The following STK3 variants were observed in gnomAD, a reference collection of about 807,000 sequenced individuals.
The protein encoded by STK3 is serine/threonine-protein kinase 3.
In STK3, 41 loss-of-function variants were observed where a neutral mutation model predicts 58.0. That is an observed-to-expected ratio of 0.71 (90% CI 0.55 to 0.92). The LOEUF is 0.92. STK3 is among the 40% of genes least tolerant of loss of function. The probability of loss-of-function intolerance (pLI) is 0.00; values close to 1 mark genes in which losing one functional copy is unlikely to be tolerated. For synonymous variants in STK3, 170 were observed against 191.0 expected, an observed-to-expected ratio of 0.89 and a Z score of 0.91; for missense variants, 479 against 602.7, an observed-to-expected ratio of 0.79 and a Z score of 2.15.
chr8:98,806,523 G>T (rs1833895600), intron 1 of STK3, among the ~76,000 whole-genome samples: 1 of 152,064 alleles, frequency 6.6e-6, no homozygotes, highest in Non-Finnish European at 1.5e-5. Flanking sequence ...AAGTATACAT[G>T]CTAACTGAAC....
intron 3 of STK3, among the ~76,000 whole-genome samples, chr8:98,858,347 G>GAC (rs1564065941): frequency 2.4e-4 from 32 of 135,852 alleles, no homozygotes; most frequent in African/African-American, 7.6e-4. Flanking sequence ...GAGAGAGAGA[G>GAC]AGAGAGAGAG....
intron 6 of STK3, among the ~76,000 whole-genome samples, chr8:98,701,938 T>G (rs1363983191): frequency 1.3e-5 from 2 of 152,172 alleles, no homozygotes; most frequent in East Asian, 3.8e-4. Context: ...CTCACTAATT[T>G]TAATCTCATA....
intron 6 of STK3, among the ~76,000 whole-genome samples, chr8:98,697,991 G>T: frequency 6.6e-6 from 1 of 152,088 alleles, no homozygotes; most frequent in East Asian, 1.9e-4. Context: ...TTATTGTGTG[G>T]GAGTCTAAGT....
chr8:98,584,312 T>C (rs946796933), intron 7 of STK3, among the ~76,000 whole-genome samples: 7 of 150,848 alleles, frequency 4.6e-5, no homozygotes, highest in African/African-American at 1.5e-4. Context: ...TGTGATCTCA[T>C]TGTTCAATTC....
At chr8:98,654,446 C>G (rs1327359227) in intron 6 of STK3, among the ~76,000 whole-genome samples, 1 of 152,066 alleles carries the variant, frequency 6.6e-6, no homozygotes, top group Non-Finnish European at 1.5e-5. Context: ...CCCTCTCTCA[C>G]CACTCCTATT....
At chr8:98,382,860 C>A (rs952355349) in intron 1 of STK3, among the ~76,000 whole-genome samples, 1 of 152,210 alleles carries the variant, frequency 6.6e-6, no homozygotes, top group African/African-American at 2.4e-5. Context: ...GGGTGGGGAC[C>A]AGCCTTCCCA....
chr8:98,679,738 A>C (rs897637516), intron 6 of STK3, among the ~76,000 whole-genome samples: 2 of 152,226 alleles, frequency 1.3e-5, no homozygotes, highest in African/African-American at 4.8e-5. Context: ...TCTCAGTTAC[A>C]GTAATAGTTG....
intron 8 of STK3, among the ~76,000 whole-genome samples, chr8:98,564,548 T>C (rs1812318436): frequency 6.6e-6 from 1 of 152,146 alleles, no homozygotes; most frequent in Non-Finnish European, 1.5e-5. Flanking sequence ...AGGAATAAGT[T>C]CTGGTGTTCT....
chr8:98,361,693 G>A, the STK3 span, among the ~76,000 whole-genome samples: 7 of 152,258 alleles, frequency 4.6e-5, no homozygotes, highest in East Asian at 3.9e-4. Flanking sequence ...ACAAAGCAGC[G>A]TACCTTGTAT....
chr8:98,813,046 AAAAG>A (rs1834328125), intron 1 of STK3, among the ~76,000 whole-genome samples: 2 of 151,954 alleles, frequency 1.3e-5, no homozygotes, highest in Non-Finnish European at 1.5e-5. Flanking sequence ...AAAAAAAAAA[AAAAG>A]AAAGTGATGT....
At chr8:98,841,662 A>G (rs1835987079) in intron 3 of STK3, among the ~76,000 whole-genome samples, 2 of 150,424 alleles carry the variant, frequency 1.3e-5, no homozygotes, top group African/African-American at 2.4e-5. Flanking sequence ...AGTCTGGGCA[A>G]AAAAGAGAGA....
At chr8:98,826,682 C>A (rs562684986), upstream of STK3, among the ~76,000 whole-genome samples, 25 of 152,242 alleles carry the variant, frequency 1.6e-4, no homozygotes, top group African/African-American at 5.5e-4. Flanking sequence ...ATATACCTTT[C>A]ACATAACAAT....
intron 4 of STK3, among the ~76,000 whole-genome samples, chr8:98,713,238 A>T (rs1826675162): frequency 1.3e-5 from 2 of 152,224 alleles, no homozygotes; most frequent in Admixed American, 6.5e-5. Flanking sequence ...GAAAAGCAAG[A>T]GCAAACACAT....
downstream of STK3, chr8:98,883,278 T>A (rs1837865246): frequency 5.9e-6 from 1 of 169,312 alleles, no homozygotes; most frequent in Non-Finnish European, 1.3e-5. Flanking sequence ...AAAAAGTGCC[T>A]CCAGGCAAGT....
intron 1 of STK3, among the ~76,000 whole-genome samples, chr8:98,780,331 A>C (rs1240698043): frequency 6.6e-6 from 1 of 152,136 alleles, no homozygotes; most frequent in Admixed American, 6.5e-5. Context: ...GATTTTAGCC[A>C]ATCTGTGATG....
At chr8:98,465,419 A>G (rs1346544019) in intron 10 of STK3, among the ~76,000 whole-genome samples, 1 of 152,186 alleles carries the variant, frequency 6.6e-6, no homozygotes, top group Non-Finnish European at 1.5e-5. Flanking sequence ...AAAATAGAAA[A>G]AATTACTTAA....
In STK3 at chr8:98,793,419, C is replaced by T. The variant is rs566624117; in HGVS notation, c.27-18600G>A. On this transcript the variant is annotated intron_variant, in intron 1 of 10. Coordinates refer to ENST00000419617, the MANE Select transcript of STK3 (RefSeq NM_006281.4). ...CAGATGTGGCGGCACAAGCCTGCAG[C>T]CCCAGCTACTCAGGAAGCTGAGATG... 7.2e-5 allele frequency among the ~76,000 whole-genome samples: 11 copies of T among 152,170 alleles called. No homozygotes were observed. The South Asian group carries it at 1.2e-3, about 17-fold the overall frequency.
At chr8:98,890,054 G>A (rs1238675402) in intron 1 of STK3, among the ~76,000 whole-genome samples, 1 of 152,176 alleles carries the variant, frequency 6.6e-6, no homozygotes, top group Non-Finnish European at 1.5e-5. Context: ...GGCACTGCCT[G>A]GTCCAGCATT....
At chr8:98,597,031 G>A (rs1815886074) in intron 6 of STK3, among the ~76,000 whole-genome samples, 1 of 152,124 alleles carries the variant, frequency 6.6e-6, no homozygotes, top group Non-Finnish European at 1.5e-5. Flanking sequence ...TGAAGCATGA[G>A]ATACTTCAAA....
Sources: gnomAD v4.1 joint callset for allele counts (sites outside exome capture counted in the v4.1 genomes callset) on GRCh38, gnomAD v4.1.1 for gene constraint, MANE v1.5 for transcripts, NCBI Gene and HGNC (gene_info 2026-07-23, HGNC 2026-07-21) for gene names.